The following FRMPD4 variants were observed in gnomAD, a reference collection of about 807,000 sequenced individuals.
FRMPD4 encodes FERM and PDZ domain containing 4, also known as FERM and PDZ domain-containing protein 4.
A neutral mutation model predicts 94.1 loss-of-function variants in FRMPD4; 22 were observed. The observed-to-expected ratio is 0.23, with a 90% confidence interval of 0.17 to 0.33. The LOEUF is 0.33. Ranked by LOEUF, FRMPD4 falls within the 10% of genes least tolerant of loss-of-function variation. The probability of loss-of-function intolerance (pLI) is 1.00; values close to 1 mark genes in which losing one functional copy is unlikely to be tolerated. For synonymous variants in FRMPD4, 631 were observed against 548.6 expected, an observed-to-expected ratio of 1.15 and a Z score of -2.10; for missense variants, 1,111 against 1,339.9, an observed-to-expected ratio of 0.83 and a Z score of 2.67.
chrX:12,442,432 G>T (rs1280612714), intron 1 of FRMPD4, among the ~76,000 whole-genome samples: 2 of 111,472 alleles, frequency 1.8e-5, no homozygotes, highest in East Asian at 5.6e-4. Context: ...AACTTTCCTT[G>T]TGAATTTGAC....
At chrX:12,465,929 C>T (rs2057444494) in intron 1 of FRMPD4, among the ~76,000 whole-genome samples, 1 of 111,711 alleles carries the variant, frequency 9.0e-6, no homozygotes, top group African/African-American at 3.2e-5. Flanking sequence ...GACTGGAACC[C>T]TGGGTTCCAT....
At chrX:11,845,340 A>C (rs779208778) in intron 1 of FRMPD4, among the ~76,000 whole-genome samples, 25 of 112,068 alleles carry the variant, frequency 2.2e-4, no homozygotes, top group Non-Finnish European at 3.6e-4. Flanking sequence ...TAGAAGATGA[A>C]TCTCTGAATA....
At chrX:12,108,567 A>G (rs1320268260) in intron 3 of FRMPD4, among the ~76,000 whole-genome samples, 1 of 112,168 alleles carries the variant, frequency 8.9e-6, no homozygotes, top group African/African-American at 3.2e-5. Flanking sequence ...AAATTCACAC[A>G]TAACAATATT....
intron 1 of FRMPD4, among the ~76,000 whole-genome samples, chrX:11,844,378 G>T (rs972990994): frequency 1.8e-5 from 2 of 110,303 alleles, no homozygotes; most frequent in African/African-American, 6.6e-5. Flanking sequence ...CTGAATATAG[G>T]ATTTGTGGTT....
chrX:12,550,081 C>T (rs867175927), intron 2 of FRMPD4, among the ~76,000 whole-genome samples: 1 of 111,593 alleles, frequency 9.0e-6, no homozygotes, highest in Non-Finnish European at 1.9e-5. Context: ...GTTATCCTAG[C>T]TTAAATATTT....
chrX:11,906,293 G>A (rs1053606551), intron 3 of FRMPD4, among the ~76,000 whole-genome samples: 1 of 109,671 alleles, frequency 9.1e-6, no homozygotes, highest in Non-Finnish European at 1.9e-5. Flanking sequence ...GACTACAGAC[G>A]CCTGCCACCA....
At chrX:12,540,686 C>G (rs1429514718) in intron 2 of FRMPD4, among the ~76,000 whole-genome samples, 1 of 111,276 alleles carries the variant, frequency 9.0e-6, no homozygotes, top group Non-Finnish European at 1.9e-5. Flanking sequence ...ATCAACAAGA[C>G]AGAAAATTAA....
At chrX:12,156,916 C>A (rs963557755) in intron 1 of FRMPD4, among the ~76,000 whole-genome samples, 2 of 110,853 alleles carry the variant, frequency 1.8e-5, no homozygotes, top group African/African-American at 3.3e-5. Flanking sequence ...ATATCTACAG[C>A]CATAACCACA....
chrX:11,851,926 A>G (rs1174967567), intron 1 of FRMPD4, among the ~76,000 whole-genome samples: 1 of 98,848 alleles, frequency 1.0e-5, no homozygotes, highest in Non-Finnish European at 2.0e-5. Context: ...GTTTACCTGA[A>G]GTAACTTAGG....
intron 1 of FRMPD4, among the ~76,000 whole-genome samples, chrX:12,438,678 C>A (rs1477560845): frequency 9.0e-6 from 1 of 111,177 alleles, no homozygotes; most frequent in Non-Finnish European, 1.9e-5. Context: ...GTGCTCAATA[C>A]ATATTTGCTT....
intron 1 of FRMPD4, among the ~76,000 whole-genome samples, chrX:12,142,160 T>G (rs1264891250): frequency 8.9e-6 from 1 of 111,884 alleles, no homozygotes; most frequent in Non-Finnish European, 1.9e-5. Flanking sequence ...TGATTTCTTA[T>G]AGTAGTAGGT....
intron 5 of FRMPD4, among the ~76,000 whole-genome samples, chrX:12,678,912 G>A (rs2059932355): frequency 8.9e-6 from 1 of 112,641 alleles, no homozygotes; most frequent in Admixed American, 9.4e-5. Flanking sequence ...CAGTTCTGGT[G>A]TCCCATGAGC....
chrX:11,841,191 G>A (rs1366352652), intron 1 of FRMPD4, among the ~76,000 whole-genome samples: 7 of 108,180 alleles, frequency 6.5e-5, no homozygotes, highest in African/African-American at 2.0e-4. Flanking sequence ...ATTGTGAATA[G>A]TGCCACAATA....
In FRMPD4 at chrX:12,695,658, C is replaced by T. The variant is rs940624455; in HGVS notation, c.933+1204C>T. Among the ~76,000 whole-genome samples, 3 of 112,263 alleles carry T rather than the reference C, an allele frequency of 2.7e-5. No homozygotes were observed. The South Asian group carries it at 1.1e-3, about 42-fold the overall frequency. On this transcript the variant is annotated intron_variant, in intron 9 of 16. Transcript: ENST00000675598. ...GACTTCATGATCCACGCACCTTGGCCTCCCAAAGTGCTGGGATTACAGGCG... is the reference window on the plus strand; with the variant it reads ...GACTTCATGATCCACGCACCTTGGCTTCCCAAAGTGCTGGGATTACAGGCG...
chrX:12,692,254 C>T (rs1279487222), intron 8 of FRMPD4, among the ~76,000 whole-genome samples: 1 of 111,742 alleles, frequency 8.9e-6, no homozygotes, highest in Non-Finnish European at 1.9e-5. Flanking sequence ...CTTTATTTTT[C>T]CTTATAGAAT....
intron 2 of FRMPD4, among the ~76,000 whole-genome samples, chrX:12,574,888 G>A (rs2058794472): frequency 8.9e-6 from 1 of 112,124 alleles, no homozygotes; most frequent in Non-Finnish European, 1.9e-5. Context: ...CCAATAAAAT[G>A]CCACATTGAA....
chrX:12,506,779 G>A (rs1182459682), intron 2 of FRMPD4, among the ~76,000 whole-genome samples: 2 of 112,501 alleles, frequency 1.8e-5, no homozygotes, highest in African/African-American at 6.5e-5. Context: ...AATCAGAACA[G>A]TAGAAATGCT....
intron 1 of FRMPD4, among the ~76,000 whole-genome samples, chrX:12,477,063 C>T (rs1350411107): frequency 9.3e-6 from 1 of 107,250 alleles, no homozygotes; most frequent in Non-Finnish European, 1.9e-5. Context: ...CCCAAATGTC[C>T]AACAACGATA....
At chrX:12,164,827 T>G (rs1452620445) in intron 1 of FRMPD4, among the ~76,000 whole-genome samples, 44 of 112,842 alleles carry the variant, frequency 3.9e-4, no homozygotes, top group Middle Eastern at 4.6e-3. Context: ...TCATGTGTTT[T>G]TTGGCTGCAT....
Sources: allele counts gnomAD v4.1 joint callset (sites outside exome capture counted in the v4.1 genomes callset), GRCh38; gene constraint gnomAD v4.1.1; transcripts MANE v1.5; gene names NCBI Gene and HGNC (gene_info 2026-07-23, HGNC 2026-07-21).